Variants in SORCS2 observed in about 807,000 individuals in gnomAD.
SORCS2 encodes the protein sortilin related VPS10 domain containing receptor 2.
A neutral mutation model predicts 141.6 loss-of-function variants in SORCS2; 100 were observed. The ratio of observed to expected loss-of-function variants is 0.71; its 90% CI spans 0.60 to 0.83. The LOEUF (loss-of-function observed/expected upper bound fraction) is 0.83, where lower values mean the gene tolerates loss of function less well. Ranked by LOEUF, SORCS2 falls within the 40% of genes least tolerant of loss-of-function variation. The pLI is 0.00. For missense variants in SORCS2, 1,646 were observed against 1,560.2 expected (o/e 1.05, Z -0.93); for synonymous variants, 789 against 676.9 (o/e 1.17, Z -2.57).
chr4:7,197,892 G>A (rs1727263930), intron 1 of SORCS2, among the ~76,000 whole-genome samples: 1 of 152,138 alleles, frequency 6.6e-6, no homozygotes, highest in Non-Finnish European at 1.5e-5. Context: ...AAATTCTCTG[G>A]ACTTCAGTGA....
intron 2 of SORCS2, among the ~76,000 whole-genome samples, chr4:7,421,738 C>T (rs773785113): frequency 5.3e-5 from 8 of 152,150 alleles, no homozygotes; most frequent in African/African-American, 9.7e-5. Context: ...CTCTGTGGGA[C>T]GGCCACTGCG....
At chr4:7,462,122 G>A (rs1323191713) in intron 2 of SORCS2, among the ~76,000 whole-genome samples, 2 of 152,220 alleles carry the variant, frequency 1.3e-5, no homozygotes, top group African/African-American at 4.8e-5. Context: ...TTGGAGCCCG[G>A]CCTGTGTGCT....
At chr4:7,416,471 TAC>T (rs796824783) in intron 2 of SORCS2, among the ~76,000 whole-genome samples, 7 of 152,196 alleles carry the variant, frequency 4.6e-5, no homozygotes, top group African/African-American at 1.7e-4. Context: ...GTACGGTGCA[TAC>T]ACACACTCAT....
At chr4:7,631,340 A>T (rs1336237916) in intron 3 of SORCS2, among the ~76,000 whole-genome samples, 1 of 151,232 alleles carries the variant, frequency 6.6e-6, no homozygotes, top group Non-Finnish European at 1.5e-5. Flanking sequence ...CTCATTTTGA[A>T]GAGCCAGAGA....
At chr4:7,543,875 G>C (rs775383572) in intron 3 of SORCS2, among the ~76,000 whole-genome samples, 6 of 3,812 alleles carry the variant, frequency 1.6e-3, no homozygotes, top group African/African-American at 4.0e-3. Flanking sequence ...CATCCATCCA[G>C]CCACCCACCC....
chr4:7,571,194 G>A (rs1034557841), intron 3 of SORCS2, among the ~76,000 whole-genome samples: 11 of 152,200 alleles, frequency 7.2e-5, no homozygotes, highest in Non-Finnish European at 1.3e-4. Context: ...AGGTTTTTCC[G>A]CAGATGCTCT....
intron 2 of SORCS2, among the ~76,000 whole-genome samples, chr4:7,437,096 C>G (rs1334735570): frequency 1.3e-5 from 2 of 152,186 alleles, no homozygotes; most frequent in African/African-American, 2.4e-5. Context: ...AGTTCTGACA[C>G]CAACTACCTG....
chr4:7,712,967 A>T, intron 15 of SORCS2, 114 bp downstream of exon 15: 1 of 1,435,346 alleles, frequency 7.0e-7, no homozygotes, highest in Non-Finnish European at 9.3e-7. Context: ...CCCGCCTCCA[A>T]GAAGTCTTCA....
chr4:7,380,350 C>T (rs1485773747), intron 1 of SORCS2, among the ~76,000 whole-genome samples: 1 of 152,220 alleles, frequency 6.6e-6, no homozygotes. Flanking sequence ...TGAGTCCTGC[C>T]AACAGTCTCA....
intron 2 of SORCS2, among the ~76,000 whole-genome samples, chr4:7,482,907 C>T (rs1415577067): frequency 6.6e-6 from 1 of 152,220 alleles, no homozygotes; most frequent in Non-Finnish European, 1.5e-5. Flanking sequence ...CTCTGAAATT[C>T]ACACCACTCA....
At chr4:7,524,944 C>T (rs1220997158) in intron 2 of SORCS2, among the ~76,000 whole-genome samples, 3 of 152,250 alleles carry the variant, frequency 2.0e-5, no homozygotes, top group African/African-American at 4.8e-5. Context: ...TCCTGTCCCC[C>T]GAGCACCCCT....
At chr4:7,692,247 G>A (rs1040739022) in intron 11 of SORCS2, among the ~76,000 whole-genome samples, 3 of 152,314 alleles carry the variant, frequency 2.0e-5, no homozygotes, top group East Asian at 1.9e-4. Flanking sequence ...CCACGTGACC[G>A]CACTGCTGGA....
At chr4:7,387,660 G>T in intron 1 of SORCS2, among the ~76,000 whole-genome samples, 1 of 114,226 alleles carries the variant, frequency 8.8e-6, no homozygotes, top group African/African-American at 3.6e-5. Context: ...CCATACACAT[G>T]CACACATGCA....
chr4:7,304,541 T>C (rs116264183), intron 1 of SORCS2, among the ~76,000 whole-genome samples: 2,872 of 152,292 alleles, frequency 0.019, 82 homozygotes, highest in African/African-American at 0.066. Context: ...CTCCCTGATA[T>C]CCTCTGGGCC....
intron 2 of SORCS2, among the ~76,000 whole-genome samples, chr4:7,408,467 C>T (rs148156870): frequency 1.6e-3 from 246 of 151,964 alleles, no homozygotes; most frequent in African/African-American, 5.3e-3. Flanking sequence ...AGTCTGTTGC[C>T]GGATGAATTG....
intron 2 of SORCS2, among the ~76,000 whole-genome samples, chr4:7,493,696 G>A (rs192506074): frequency 2.6e-5 from 4 of 152,344 alleles, no homozygotes; most frequent in African/African-American, 7.2e-5. Context: ...TCCCAGAAGG[G>A]CTGGGCTCCA....
intron 1 of SORCS2, among the ~76,000 whole-genome samples, chr4:7,218,144 G>A (rs1221667635): frequency 1.3e-5 from 2 of 152,118 alleles, no homozygotes; most frequent in East Asian, 1.9e-4. Flanking sequence ...GGAGGTTTCC[G>A]AGTGGGCGGA....
intron 1 of SORCS2, among the ~76,000 whole-genome samples, chr4:7,315,118 C>A (rs947410854): frequency 6.6e-6 from 1 of 152,304 alleles, no homozygotes; most frequent in East Asian, 1.9e-4. Context: ...CAGGCATGAG[C>A]CACTGCACCT....
chr4:7,580,485 GA>G (rs550783669), intron 3 of SORCS2, among the ~76,000 whole-genome samples: 101 of 140,438 alleles, frequency 7.2e-4, no homozygotes, highest in African/African-American at 1.9e-3. Context: ...GCAAGACTCA[GA>G]AAAAAAAAAA....
Sources: allele counts gnomAD v4.1 joint callset (sites outside exome capture counted in the v4.1 genomes callset), GRCh38; gene constraint gnomAD v4.1.1; transcripts MANE v1.5; gene names NCBI Gene and HGNC (gene_info 2026-07-23, HGNC 2026-07-21).